DUSP9: variants seen among roughly 807,000 people sequenced by gnomAD.
DUSP9 encodes the protein dual specificity phosphatase 9.
In DUSP9, 4 loss-of-function variants were observed where a neutral mutation model predicts 13.2. The ratio of observed to expected loss-of-function variants is 0.30; its 90% CI spans 0.15 to 0.69. The LOEUF (loss-of-function observed/expected upper bound fraction) is 0.69, where lower values mean the gene tolerates loss of function less well. DUSP9 is among the 30% of genes least tolerant of loss of function. DUSP9 has a pLI of 0.73. For missense variants in DUSP9, 263 were observed against 355.0 expected, an observed-to-expected ratio of 0.74 and a Z score of 2.08; for synonymous variants, 166 against 172.3, an observed-to-expected ratio of 0.96 and a Z score of 0.29.
chrX:153,646,297 C>A (rs782430669), upstream of DUSP9, among the ~76,000 whole-genome samples: 4 of 111,196 alleles, frequency 3.6e-5, no homozygotes, highest in East Asian at 1.1e-3. Context: ...ATGGAGGCCA[C>A]CAGCCTTGGT....
upstream of DUSP9, among the ~76,000 whole-genome samples, chrX:153,643,233 G>T (rs2091175425): frequency 9.1e-6 from 1 of 110,175 alleles, no homozygotes; most frequent in African/African-American, 3.3e-5. Context: ...CAGCACGCGC[G>T]CACACCTGCT....
At chrX:153,647,799 T>C in intron 1 of DUSP9, 120 bp from the exon 2 acceptor site, 1 of 564,456 alleles carries the variant, frequency 1.8e-6, no homozygotes, top group South Asian at 8.3e-5. Context: ...TGGGGCGCCT[T>C]GTTGGGAGTC....
chrX:153,645,512 T>C (rs1189045576), upstream of DUSP9, among the ~76,000 whole-genome samples: 4 of 113,068 alleles, frequency 3.5e-5, no homozygotes, highest in African/African-American at 9.6e-5. Flanking sequence ...GGAAGCCCCT[T>C]AGAGGTGACC....
rs1469066380 is a variant in DUSP9, at chrX:153,647,764, C to T, written c.-35-155C>T. The T allele has an allele frequency of 1.9e-5, 7 of 362,410 alleles. No individual in the cohort carries two copies. In the Admixed American group the frequency reaches 3.7e-4, roughly 19 times the overall value. The allele number at this position is 362,410 out of a possible 1,213,427, so 29.9% of individuals were successfully genotyped here. A position where few individuals can be genotyped will look rare whatever the true frequency, so the allele number is the denominator to read the frequency against. On this transcript the variant is annotated intron_variant, in intron 1 of 3. Coordinates refer to ENST00000342782, the MANE Select transcript of DUSP9 (RefSeq NM_001318503.2). The stretch of plus-strand genomic sequence containing the variant: ...CTCTTCTCGAGGACCCTTCCCCGGG[C>T]CGAGCTGCTGCCTGGGGGGTTTCTT...
At position 153,650,507 on chromosome X, in the gene DUSP9, G is replaced by C; in HGVS notation, c.*202G>C. On this transcript the variant is annotated 3_prime_UTR_variant, in exon 4 of 4. Transcript: ENST00000342782. ...CTCGGAGCCTGCCTCTTCTGCGACT[G>C]TTACTTTTTCTTTGCGGGATGGGGG... 1 of 416,333 alleles carries C rather than the reference G, an allele frequency of 2.4e-6. No homozygotes were observed. The allele number at this position is 416,333 out of a possible 1,213,427, so 34.3% of individuals were successfully genotyped here. A position where few individuals can be genotyped will look rare whatever the true frequency, so the allele number is the denominator to read the frequency against.
At chrX:153,649,149 AG>A in intron 2 of DUSP9, 82 bp from the exon 3 acceptor site, 1 of 959,907 alleles carries the variant, frequency 1.0e-6, no homozygotes, top group East Asian at 3.1e-5. Flanking sequence ...CAAGTTGTCC[AG>A]GGTCATCTCC....
At position 153,649,353 on chromosome X, in the gene DUSP9, G is replaced by T. The variant is rs1557036076; in HGVS notation, c.495G>T (p.Leu165=). 5.8e-6 allele frequency: 7 copies of T among 1,211,169 alleles called. No individual in the cohort carries two copies. The highest frequency in any genetic ancestry group is 3.0e-5 in the East Asian group (1 of 33,834). ...GPVPVVGLGS[L]CLGSDCSDAE... ...TGCCCGTGGTGGGGTTGGGCAGCCT[G>T]TGCCTGGGCTCCGACTGCTCTGATG... Residue 165 remains leucine, a synonymous_variant, in exon 3 of 4, where the codon CTG becomes CTT. Coordinates refer to ENST00000342782, the MANE Select transcript of DUSP9 (RefSeq NM_001318503.2).
Position 153,649,570 on chromosome X carries a change from C to A in DUSP9, c.712C>A (p.Pro238Thr), listed in dbSNP as rs1603188452. ...CATCCGCTACATCCTCAATGTCACC[C>A]CCAACCTCCCAAACTTCTTCGAGAA... ...LGIRYILNVT[P>T]NLPNFFEKNG... Residue 238 changes from proline (P) to threonine (T), a missense_variant, in exon 3 of 4, where the codon CCC becomes ACC. Transcript: ENST00000342782. The A allele has an allele frequency of 8.3e-7, 1 of 1,210,613 alleles. No homozygotes were observed. The highest frequency in any genetic ancestry group is 1.1e-6 in the Non-Finnish European group (1 of 895,273).
upstream of DUSP9, among the ~76,000 whole-genome samples, chrX:153,644,647 C>T (rs2091182026): frequency 8.9e-6 from 1 of 112,521 alleles, no homozygotes; most frequent in African/African-American, 3.2e-5. Flanking sequence ...AAATTGAGCC[C>T]CTCATGGCCT....
chrX:153,646,951 C>G (rs2091190102), upstream of DUSP9, among the ~76,000 whole-genome samples: 1 of 112,812 alleles, frequency 8.9e-6, no homozygotes. Flanking sequence ...CACCCCTCCC[C>G]CTGCCTCCCG....
Position 153,650,472 on chromosome X carries a change from C to G in DUSP9, c.*167C>G. 1 of 435,097 alleles carries G rather than the reference C, an allele frequency of 2.3e-6. No homozygotes were observed. The allele number at this position is 435,097 out of a possible 1,213,427, so 35.9% of individuals were successfully genotyped here. On this transcript the variant is annotated 3_prime_UTR_variant, in exon 4 of 4. Coordinates refer to ENST00000342782, the MANE Select transcript of DUSP9 (RefSeq NM_001318503.2). ...GCCGTCCTAATCAACGTGCCTATGG[C>G]GGGACCACGCTCGGAGCCTGCCTCT...
chrX:153,650,485 G>A lies in DUSP9; in HGVS notation c.*180G>A, dbSNP rs1011082350. The A allele has an allele frequency of 3.8e-5, 16 of 421,756 alleles. No homozygotes were observed. Among genetic ancestry groups the A allele is most frequent in the African/African-American group, 2.5e-4 (10 of 40,091 alleles). 34.8% of individuals were successfully genotyped at this position (421,756 alleles called of 1,213,427 possible). The stretch of plus-strand genomic sequence containing the variant: ...ACGTGCCTATGGCGGGACCACGCTC[G>A]GAGCCTGCCTCTTCTGCGACTGTTA... On this transcript the variant is annotated 3_prime_UTR_variant, in exon 4 of 4. Coordinates refer to ENST00000342782, the MANE Select transcript of DUSP9 (RefSeq NM_001318503.2).
At chrX:153,647,831 C>G (rs2091194177) in intron 1 of DUSP9, 88 bp from the exon 2 acceptor site, 4 of 809,604 alleles carry the variant, frequency 4.9e-6, no homozygotes, top group Non-Finnish European at 6.3e-6. Flanking sequence ...GGACCCTGGG[C>G]TCCCGCCTTC....
upstream of DUSP9, among the ~76,000 whole-genome samples, chrX:153,646,677 G>A (rs1185084638): frequency 9.0e-6 from 1 of 111,008 alleles, no homozygotes; most frequent in Non-Finnish European, 1.9e-5. Flanking sequence ...GAAGCGGGCT[G>A]GTATTGGTAG....
At chrX:153,647,608 GTCGGAAGC>G (rs1557035681) in intron 1 of DUSP9, 183 bp downstream of exon 1, 1 of 142,241 alleles carries the variant, frequency 7.0e-6, no homozygotes, top group East Asian at 1.7e-4. Flanking sequence ...CCCAGCCAGA[GTCGGAAGC>G]TCGAACTTGG....
rs1489736210 is a variant in DUSP9, at chrX:153,648,329, A to G, written c.373+3A>G. ...CTACCTGGCCTACTACCTCCAGGGT[A>G]GGTGCCGCGGGGCCCTCCTTCCAGG... On this transcript the variant is annotated splice_donor_region_variant and intron_variant, in intron 2 of 3. Coordinates refer to ENST00000342782, the MANE Select transcript of DUSP9 (RefSeq NM_001318503.2). 3.6e-6 allele frequency: 4 copies of G among 1,116,913 alleles called. No individual in the cohort carries two copies. In the East Asian group the frequency reaches 1.1e-4, roughly 31 times the overall value. The allele number at this position is 1,116,913 out of a possible 1,213,427, so 92.0% of individuals were successfully genotyped here.
chrX:153,650,360 G>A lies in DUSP9; in HGVS notation c.*55G>A, dbSNP rs1441405690. On this transcript the variant is annotated 3_prime_UTR_variant, in exon 4 of 4. Coordinates refer to ENST00000342782, the MANE Select transcript of DUSP9 (RefSeq NM_001318503.2). ...CCCACCCCCACCCACGGGTGTCCCT[G>A]CCCACTCGTGTGGCAAGGGAGGGGA... 8.5e-6 allele frequency: 8 copies of A among 939,141 alleles called. No individual in the cohort carries two copies. The highest frequency in any genetic ancestry group is 2.5e-5 in the South Asian group (1 of 40,502). The allele number at this position is 939,141 out of a possible 1,213,427, so 77.4% of individuals were successfully genotyped here.
chrX:153,649,696 A>AGGGC lies in DUSP9; in HGVS notation c.829+9_829+10insGGGC. On this transcript the variant is annotated intron_variant, in intron 3 of 3. Transcript: ENST00000342782. Reference sequence around the variant, plus strand: ...GGCCATTGAGTTCATTGGTGAGTCCACCCCACCCACCCTTCCCTCCTGTCC... The same window carrying AGGGC: ...GGCCATTGAGTTCATTGGTGAGTCCAGGGCCCCCACCCACCCTTCCCTCCTGTCC... The AGGGC allele has an allele frequency of 2.6e-6, 3 of 1,156,720 alleles. No individual in the cohort carries two copies. The highest frequency in any genetic ancestry group is 3.5e-6 in the Non-Finnish European group (3 of 858,996).
At chrX:153,642,564 C>A (rs1218051701), upstream of DUSP9, 1 of 112,431 alleles carries the variant, frequency 8.9e-6, no homozygotes, top group Non-Finnish European at 1.9e-5. Context: ...TCGGAAACTT[C>A]CCGGCCGCGA....
Sources: gnomAD v4.1 joint callset for allele counts (sites outside exome capture counted in the v4.1 genomes callset) on GRCh38, gnomAD v4.1.1 for gene constraint, MANE v1.5 for transcripts, NCBI Gene and HGNC (gene_info 2026-07-23, HGNC 2026-07-21) for gene names.